The following RALYL variants were observed in gnomAD, a reference collection of about 807,000 sequenced individuals.
RALYL encodes RNA-binding Raly-like protein.
In RALYL, 29 loss-of-function variants were observed where a neutral mutation model predicts 35.1. The ratio of observed to expected loss-of-function variants is 0.83; its 90% CI spans 0.61 to 1.13. The LOEUF (loss-of-function observed/expected upper bound fraction) is 1.13. Ranked by LOEUF, RALYL falls within the 50% of genes most tolerant of loss-of-function variation. The probability of loss-of-function intolerance (pLI) is 0.00; values close to 1 mark genes in which losing one functional copy is unlikely to be tolerated. For missense variants in RALYL, 359 were observed against 360.4 expected, an observed-to-expected ratio of 1.00 and a Z score of 0.03; for synonymous variants, 120 against 127.6, an observed-to-expected ratio of 0.94 and a Z score of 0.40.
chr8:84,756,133 T>C (rs761049289), intron 2 of RALYL, among the ~76,000 whole-genome samples: 4 of 152,124 alleles, frequency 2.6e-5, no homozygotes, highest in African/African-American at 9.7e-5. Flanking sequence ...CCATGGATTA[T>C]ATTACCCCTA....
chr8:84,581,886 A>T (rs1810923452), intron 2 of RALYL, among the ~76,000 whole-genome samples: 3 of 152,228 alleles, frequency 2.0e-5, no homozygotes, highest in African/African-American at 7.2e-5. Flanking sequence ...AGGAAGTAGT[A>T]ATTTATTCCA....
intron 1 of RALYL, among the ~76,000 whole-genome samples, chr8:84,425,415 C>G (rs535361750): frequency 2.6e-5 from 4 of 152,160 alleles, no homozygotes; most frequent in African/African-American, 4.8e-5. Context: ...GGCTCGCGCA[C>G]GGTGCGCTCA....
intron 3 of RALYL, among the ~76,000 whole-genome samples, chr8:84,787,600 G>C (rs1819844728): frequency 6.6e-6 from 1 of 152,182 alleles, no homozygotes; most frequent in South Asian, 2.1e-4. Flanking sequence ...TTGCCACACT[G>C]TCTTCCACAA....
chr8:84,721,226 A>G (rs1442478719), intron 2 of RALYL, among the ~76,000 whole-genome samples: 1 of 151,816 alleles, frequency 6.6e-6, no homozygotes, highest in Non-Finnish European at 1.5e-5. Flanking sequence ...AGAAAGAAAG[A>G]AAACAAAACC....
At chr8:84,434,833 T>C (rs1475981938) in intron 1 of RALYL, among the ~76,000 whole-genome samples, 1 of 152,120 alleles carries the variant, frequency 6.6e-6, no homozygotes, top group African/African-American at 2.4e-5. Flanking sequence ...TATACATTTG[T>C]AGAGACAAAG....
intron 1 of RALYL, among the ~76,000 whole-genome samples, chr8:84,196,554 A>G (rs1464687529): frequency 2.0e-5 from 3 of 152,186 alleles, no homozygotes; most frequent in Admixed American, 2.0e-4. Flanking sequence ...TTTTGTGCTA[A>G]GTCTTTGATA....
chr8:84,581,237 A>T (rs1810756498), intron 2 of RALYL, among the ~76,000 whole-genome samples: 1 of 152,170 alleles, frequency 6.6e-6, no homozygotes, highest in Non-Finnish European at 1.5e-5. Flanking sequence ...TGTTATTCAA[A>T]GGAAGGTGAC....
chr8:84,473,968 A>G (rs2053098468), intron 1 of RALYL, among the ~76,000 whole-genome samples: 1 of 152,040 alleles, frequency 6.6e-6, no homozygotes, highest in African/African-American at 2.4e-5. Context: ...GGTTCATTAT[A>G]TGAAATTCTT....
chr8:84,232,717 C>T (rs534475273), intron 1 of RALYL, among the ~76,000 whole-genome samples: 5 of 151,928 alleles, frequency 3.3e-5, no homozygotes, highest in South Asian at 4.2e-4. Flanking sequence ...TGAAGAGAGA[C>T]GGTAGGCATA....
At chr8:84,198,880 T>G (rs2130972122) in intron 1 of RALYL, among the ~76,000 whole-genome samples, 1 of 152,320 alleles carries the variant, frequency 6.6e-6, no homozygotes, top group South Asian at 2.1e-4. Flanking sequence ...TAGTATGTTT[T>G]CTTTATCCAT....
chr8:84,260,355 T>C (rs1490458601), intron 1 of RALYL, among the ~76,000 whole-genome samples: 1 of 152,160 alleles, frequency 6.6e-6, no homozygotes, highest in Non-Finnish European at 1.5e-5. Flanking sequence ...ACAAGACCAC[T>C]TAGAGTGGTC....
intron 2 of RALYL, among the ~76,000 whole-genome samples, chr8:84,616,443 G>GT (rs537455929): frequency 7.3e-5 from 11 of 149,988 alleles, no homozygotes; most frequent in African/African-American, 2.7e-4. Context: ...TGATGGGGTT[G>GT]TTTTTTTCTT....
At chr8:84,492,443 C>T (rs890837880) in intron 1 of RALYL, among the ~76,000 whole-genome samples, 2 of 152,066 alleles carry the variant, frequency 1.3e-5, no homozygotes, top group African/African-American at 4.8e-5. Context: ...AATAAATCTT[C>T]CCTGTTTACT....
chr8:84,796,001 C>G (rs1353822014), intron 3 of RALYL, among the ~76,000 whole-genome samples: 1 of 152,202 alleles, frequency 6.6e-6, no homozygotes, highest in African/African-American at 2.4e-5. Flanking sequence ...CATCATAACA[C>G]TACACCCTTG....
intron 3 of RALYL, among the ~76,000 whole-genome samples, chr8:84,803,055 A>T (rs116433978): frequency 0.042 from 6,442 of 152,262 alleles, 407 homozygotes; most frequent in African/African-American, 0.15. Context: ...TACCAGTGAG[A>T]GGCAAGGGGG....
At chr8:84,680,226 C>A (rs1191812855) in intron 2 of RALYL, among the ~76,000 whole-genome samples, 1 of 152,180 alleles carries the variant, frequency 6.6e-6, no homozygotes, top group Non-Finnish European at 1.5e-5. Context: ...ATATGTGCCA[C>A]ATTTTCTTAA....
intron 4 of RALYL, among the ~76,000 whole-genome samples, chr8:84,848,405 ATATG>A (rs1254366587): frequency 2.7e-5 from 4 of 149,412 alleles, no homozygotes; most frequent in Non-Finnish European, 4.5e-5. Flanking sequence ...GTGCATATAT[ATATG>A]TGTGTGTATA....
intron 2 of RALYL, among the ~76,000 whole-genome samples, chr8:84,731,889 C>T (rs1327804668): frequency 2.0e-5 from 3 of 152,152 alleles, no homozygotes; most frequent in Non-Finnish European, 2.9e-5. Flanking sequence ...AGCGCTCACA[C>T]TGGTGTTGCT....
At chr8:84,609,392 G>A (rs927157471) in intron 2 of RALYL, among the ~76,000 whole-genome samples, 15 of 152,140 alleles carry the variant, frequency 9.9e-5, no homozygotes, top group African/African-American at 3.6e-4. Context: ...TGAAAGTATT[G>A]GTACCATTGG....
Sources: gnomAD v4.1 joint callset for allele counts (sites outside exome capture counted in the v4.1 genomes callset) on GRCh38, gnomAD v4.1.1 for gene constraint, MANE v1.5 for transcripts, NCBI Gene and HGNC (gene_info 2026-07-23, HGNC 2026-07-21) for gene names.